Variants in SUMF1 observed in about 807,000 individuals in gnomAD.
SUMF1 encodes the protein sulfatase modifying factor 1, also known as formylglycine-generating enzyme.
In SUMF1, 48 loss-of-function variants were observed where a neutral mutation model predicts 47.6. That is an observed-to-expected ratio of 1.01 (90% CI 0.80 to 1.28). SUMF1 has a LOEUF of 1.28. Ranked by LOEUF, SUMF1 falls within the 50% of genes most tolerant of loss-of-function variation. The pLI, the probability that SUMF1 is intolerant of heterozygous loss-of-function variation, is 0.00. For missense variants in SUMF1, 571 were observed against 485.4 expected (o/e 1.18, Z -1.66); for synonymous variants, 230 against 192.1 (o/e 1.20, Z -1.63).
Position 4,467,238 on chromosome 3 carries a change from G to A in SUMF1, c.8C>T (p.Ala3Val), listed in dbSNP as rs996881272. 5.0e-6 allele frequency: 8 copies of A among 1,608,630 alleles called. No individual in the cohort carries two copies. The highest frequency in any genetic ancestry group is 1.1e-5 in the South Asian group (1 of 89,962). Residue 3 changes from alanine (A) to valine (V), a missense_variant, in exon 1 of 9, where the codon GCG becomes GTG. Transcript: ENST00000272902. Reference sequence around the variant, plus strand: ...TCCACACACCAGCCCTAGTGCGGGCGCAGCCATGTTGTCCCGCGGGCCATG... The same window carrying A: ...TCCACACACCAGCCCTAGTGCGGGCACAGCCATGTTGTCCCGCGGGCCATG... Reference protein sequence around the residue: MAAPALGLVCGRC... With the variant: MAVPALGLVCGRC...
chr3:4,451,106 T>TA (rs1702953802), intron 2 of SUMF1, among the ~76,000 whole-genome samples: 1 of 148,556 alleles, frequency 6.7e-6, no homozygotes, highest in South Asian at 2.1e-4. Flanking sequence ...TAAAATAAAA[T>TA]AAATAGTATT....
chr3:4,176,245 C>G (rs766816962), intron 8 of SUMF1, among the ~76,000 whole-genome samples: 11 of 152,164 alleles, frequency 7.2e-5, no homozygotes, highest in South Asian at 2.1e-4. Context: ...ATCAGATTCA[C>G]CAAGGTTGAA....
At chr3:4,127,796 C>T (rs1252574847) in intron 8 of SUMF1, among the ~76,000 whole-genome samples, 1 of 152,042 alleles carries the variant, frequency 6.6e-6, no homozygotes, top group Non-Finnish European at 1.5e-5. Flanking sequence ...GGAGTTCTTT[C>T]ATTGGTTTTG....
At chr3:4,354,072 C>T (rs1174835214) in intron 8 of SUMF1, among the ~76,000 whole-genome samples, 1 of 152,080 alleles carries the variant, frequency 6.6e-6, no homozygotes, top group Non-Finnish European at 1.5e-5. Flanking sequence ...CTAGGCTGAT[C>T]ATGAACTCCT....
At chr3:4,412,557 C>G (rs1173236954) in intron 6 of SUMF1, among the ~76,000 whole-genome samples, 3 of 152,076 alleles carry the variant, frequency 2.0e-5, no homozygotes, top group Admixed American at 1.3e-4. Flanking sequence ...TTCAGGAATA[C>G]AAGGAAAGGA....
intron 8 of SUMF1, among the ~76,000 whole-genome samples, chr3:4,137,987 G>C (rs1208256134): frequency 6.6e-6 from 1 of 151,846 alleles, no homozygotes. Context: ...AATTCAATAT[G>C]CAAGATTTAA....
At chr3:4,411,461 T>A (rs1030234594) in intron 6 of SUMF1, among the ~76,000 whole-genome samples, 1 of 152,152 alleles carries the variant, frequency 6.6e-6, no homozygotes, top group Non-Finnish European at 1.5e-5. Flanking sequence ...TGCCAACTCA[T>A]CATCTTACCT....
chr3:4,322,616 T>C (rs938572437), intron 8 of SUMF1, among the ~76,000 whole-genome samples: 87 of 151,232 alleles, frequency 5.8e-4, no homozygotes, highest in Non-Finnish European at 9.7e-4. Context: ...GCTATGATCC[T>C]ACCACTGCAC....
At chr3:4,191,603 C>A (rs1185719079) in intron 8 of SUMF1, among the ~76,000 whole-genome samples, 1 of 151,956 alleles carries the variant, frequency 6.6e-6, no homozygotes, top group Non-Finnish European at 1.5e-5. Flanking sequence ...ACTGGGTAGG[C>A]AGTGAGAGAT....
chr3:4,385,295 G>C (rs1700636168), intron 7 of SUMF1, among the ~76,000 whole-genome samples: 1 of 152,194 alleles, frequency 6.6e-6, no homozygotes, highest in Non-Finnish European at 1.5e-5. Context: ...ATCCTAGCCA[G>C]TCACTACTTT....
intron 8 of SUMF1, among the ~76,000 whole-genome samples, chr3:4,208,123 T>G (rs1695693045): frequency 6.6e-6 from 1 of 152,080 alleles, no homozygotes; most frequent in Non-Finnish European, 1.5e-5. Flanking sequence ...ACAATTTTAT[T>G]ATAGCCTAAA....
chr3:4,195,383 C>A (rs1250699577), intron 8 of SUMF1, among the ~76,000 whole-genome samples: 1 of 152,008 alleles, frequency 6.6e-6, no homozygotes, highest in East Asian at 1.9e-4. Context: ...TTTCAAGGTT[C>A]TCAAAGAACT....
intron 8 of SUMF1, among the ~76,000 whole-genome samples, chr3:4,242,885 G>C (rs1405325475): frequency 6.6e-6 from 1 of 152,114 alleles, no homozygotes; most frequent in African/African-American, 2.4e-5. Context: ...TAGAATTCGG[G>C]TGTGAATCCA....
At chr3:4,175,328 C>G (rs1271464784) in intron 8 of SUMF1, among the ~76,000 whole-genome samples, 1 of 152,140 alleles carries the variant, frequency 6.6e-6, no homozygotes, top group East Asian at 1.9e-4. Context: ...TGAGATGAAA[C>G]TTCCAGAGGA....
intron 8 of SUMF1, among the ~76,000 whole-genome samples, chr3:4,178,714 T>A (rs138348828): frequency 2.0e-5 from 3 of 152,060 alleles, no homozygotes; most frequent in Admixed American, 2.0e-4. Flanking sequence ...GAGAAAGAAA[T>A]AAAGGGTATT....
At chr3:4,250,121 T>G (rs1696763301) in intron 8 of SUMF1, among the ~76,000 whole-genome samples, 1 of 151,882 alleles carries the variant, frequency 6.6e-6, no homozygotes, top group African/African-American at 2.4e-5. Context: ...AGGCAGAGGT[T>G]AGTGGAAGCC....
At chr3:4,157,542 T>A (rs1322942893) in intron 8 of SUMF1, among the ~76,000 whole-genome samples, 2 of 151,590 alleles carry the variant, frequency 1.3e-5, no homozygotes. Flanking sequence ...GATCACTTTC[T>A]CAGAATCACA....
intron 8 of SUMF1, among the ~76,000 whole-genome samples, chr3:4,273,648 C>A (rs1336180182): frequency 7.5e-6 from 1 of 134,224 alleles, no homozygotes; most frequent in Non-Finnish European, 1.5e-5. Flanking sequence ...GTAAATTTTA[C>A]ATTAAGTAAA....
At chr3:4,138,852 T>G (rs559483376) in intron 8 of SUMF1, among the ~76,000 whole-genome samples, 37 of 152,214 alleles carry the variant, frequency 2.4e-4, no homozygotes, top group African/African-American at 7.9e-4. Context: ...AGGATGGTCA[T>G]GGGAACCCTC....
Sources: allele counts gnomAD v4.1 joint callset (sites outside exome capture counted in the v4.1 genomes callset), GRCh38; gene constraint gnomAD v4.1.1; transcripts MANE v1.5; gene names NCBI Gene and HGNC (gene_info 2026-07-23, HGNC 2026-07-21).